Variants in AFG2A observed in about 807,000 individuals in gnomAD.
The protein encoded by AFG2A is ATPase family gene 2 protein homolog A.
chr4:123,057,346 G>A, the AFG2A span: 5 of 1,492,622 alleles, frequency 3.3e-6, no homozygotes, highest in Non-Finnish European at 9.3e-7. Flanking sequence ...CATAATAATA[G>A]CAATTATGGT....
At chr4:122,968,513 T>C in the AFG2A span, among the ~76,000 whole-genome samples, 2 of 152,330 alleles carry the variant, frequency 1.3e-5, no homozygotes, top group Middle Eastern at 3.4e-3. Context: ...GTTTTGCCTG[T>C]TTTGCCTTCT....
At chr4:122,955,819 C>T in the AFG2A span, among the ~76,000 whole-genome samples, 358 of 152,318 alleles carry the variant, frequency 2.4e-3, 1 homozygote, top group African/African-American at 8.0e-3. Flanking sequence ...TCTTTTGGTA[C>T]ATTTTGCTCT....
chr4:123,215,466 T>C, the AFG2A span, among the ~76,000 whole-genome samples: 10 of 152,120 alleles, frequency 6.6e-5, no homozygotes, highest in Non-Finnish European at 1.3e-4. Flanking sequence ...CTAGATGTCA[T>C]GGTCCAGTCC....
the AFG2A span, among the ~76,000 whole-genome samples, chr4:123,287,948 T>C: frequency 4.6e-5 from 7 of 152,220 alleles, no homozygotes; most frequent in African/African-American, 1.7e-4. Flanking sequence ...GTCCACATGC[T>C]CCGAACACGA....
At chr4:123,284,010 T>TA in the AFG2A span, among the ~76,000 whole-genome samples, 1 of 152,146 alleles carries the variant, frequency 6.6e-6, no homozygotes, top group African/African-American at 2.4e-5. Context: ...CACACACACA[T>TA]ACCTCATTTT....
chr4:123,073,884 T>C, the AFG2A span, among the ~76,000 whole-genome samples: 8 of 152,302 alleles, frequency 5.3e-5, no homozygotes, highest in African/African-American at 1.9e-4. Context: ...GACTCAGAAA[T>C]GCCCTGTTTG....
chr4:123,076,195 G>A, the AFG2A span, among the ~76,000 whole-genome samples: 1 of 152,060 alleles, frequency 6.6e-6, no homozygotes, highest in Non-Finnish European at 1.5e-5. Flanking sequence ...TTGAGCCCAA[G>A]TGTTTGAGGC....
chr4:123,121,353 G>A, the AFG2A span, among the ~76,000 whole-genome samples: 470 of 152,102 alleles, frequency 3.1e-3, 3 homozygotes, highest in African/African-American at 9.3e-3. Context: ...ATTGTACCGT[G>A]TTTATTATAA....
the AFG2A span, among the ~76,000 whole-genome samples, chr4:123,294,259 T>G: frequency 6.6e-6 from 1 of 152,194 alleles, no homozygotes; most frequent in East Asian, 1.9e-4. Flanking sequence ...TTTCTTTGGT[T>G]TTAAATAGCC....
At chr4:123,296,202 C>A in the AFG2A span, among the ~76,000 whole-genome samples, 1 of 151,256 alleles carries the variant, frequency 6.6e-6, no homozygotes, top group African/African-American at 2.4e-5. Context: ...AAACCTGAAA[C>A]TCCCCAAGCC....
At chr4:123,243,911 A>G in the AFG2A span, among the ~76,000 whole-genome samples, 9 of 152,136 alleles carry the variant, frequency 5.9e-5, no homozygotes, top group East Asian at 1.6e-3. Context: ...GGTCCCACCT[A>G]TTCGGGAGGC....
the AFG2A span, chr4:123,314,024 A>T: frequency 6.2e-7 from 1 of 1,610,210 alleles, no homozygotes. Flanking sequence ...AGACGTTTTT[A>T]TGAAGATTAT....
the AFG2A span, among the ~76,000 whole-genome samples, chr4:123,263,007 G>A: frequency 6.6e-6 from 1 of 152,122 alleles, no homozygotes; most frequent in South Asian, 2.1e-4. Context: ...GAATATGATT[G>A]GCAGAAAGAG....
chr4:123,245,133 C>G, the AFG2A span, among the ~76,000 whole-genome samples: 1 of 151,962 alleles, frequency 6.6e-6, no homozygotes, highest in Non-Finnish European at 1.5e-5. Flanking sequence ...AGAATATGCT[C>G]ATAGCAATTT....
chr4:123,028,163 T>C, the AFG2A span: 1 of 1,597,496 alleles, frequency 6.3e-7, no homozygotes, highest in Non-Finnish European at 8.5e-7. Context: ...AAACTTATAT[T>C]TGGAAAATGT....
At chr4:123,061,622 G>A in the AFG2A span, among the ~76,000 whole-genome samples, 1 of 152,206 alleles carries the variant, frequency 6.6e-6, no homozygotes, top group Non-Finnish European at 1.5e-5. Flanking sequence ...TGACACATGG[G>A]GATTATTACA....
chr4:123,198,183 C>T, the AFG2A span, among the ~76,000 whole-genome samples: 2 of 151,436 alleles, frequency 1.3e-5, no homozygotes, highest in Non-Finnish European at 2.9e-5. Flanking sequence ...GCAGGAGAAT[C>T]GCTTGAGCCC....
At chr4:123,259,142 C>G in the AFG2A span, among the ~76,000 whole-genome samples, 1 of 152,172 alleles carries the variant, frequency 6.6e-6, no homozygotes, top group Non-Finnish European at 1.5e-5. Context: ...GCTGGGATTA[C>G]AGGCATGAGC....
the AFG2A span, chr4:122,927,883 G>A: frequency 2.3e-6 from 3 of 1,331,024 alleles, no homozygotes; most frequent in African/African-American, 3.0e-5. Context: ...GGAACATTTT[G>A]GATTTCAGAT....
Sources: allele counts gnomAD v4.1 joint callset (sites outside exome capture counted in the v4.1 genomes callset), GRCh38; gene constraint gnomAD v4.1.1; transcripts MANE v1.5; gene names NCBI Gene and HGNC (gene_info 2026-07-23, HGNC 2026-07-21).